DLG2: variants seen among roughly 807,000 people sequenced by gnomAD.
DLG2 encodes discs large MAGUK scaffold protein 2, also known as disks large homolog 2.
Under a neutral mutation model 132.5 loss-of-function variants are expected in DLG2, and 45 were observed. The ratio of observed to expected loss-of-function variants is 0.34; its 90% CI spans 0.27 to 0.44. DLG2 has a LOEUF of 0.44. Among genes scored for constraint, DLG2 ranks in the 20% least tolerant of loss-of-function variants. The pLI is 1.00. For synonymous variants in DLG2, 424 were observed against 419.6 expected, an observed-to-expected ratio of 1.01 and a Z score of -0.13; for missense variants, 1,045 against 1,196.9, an observed-to-expected ratio of 0.87 and a Z score of 1.87.
At chr11:83,522,920 AT>A (rs1050581162) in intron 21 of DLG2, among the ~76,000 whole-genome samples, 1 of 151,296 alleles carries the variant, frequency 6.6e-6, no homozygotes, top group South Asian at 2.1e-4. Flanking sequence ...ACGTGCTATT[AT>A]TTTTTAAAAA....
chr11:84,827,692 A>AAAAAAAAAAAAAAAC (rs2078509163), intron 6 of DLG2, among the ~76,000 whole-genome samples: 2 of 149,760 alleles, frequency 1.3e-5, no homozygotes, highest in African/African-American at 2.4e-5. Context: ...AAAAAAAAAA[A>AAAAAAAAAAAAAAAC]AAAAAAGCCC....
At chr11:84,834,640 A>G (rs1464819348) in intron 6 of DLG2, among the ~76,000 whole-genome samples, 1 of 151,574 alleles carries the variant, frequency 6.6e-6, no homozygotes, top group Admixed American at 6.6e-5. Context: ...GGGGGTTAGG[A>G]CTGAATATGG....
intron 3 of DLG2, among the ~76,000 whole-genome samples, chr11:85,361,476 G>A (rs887562402): frequency 1.4e-4 from 21 of 152,218 alleles, no homozygotes; most frequent in Middle Eastern, 3.4e-3. Context: ...ACCTTTTGGA[G>A]TCTCCAATGG....
intron 7 of DLG2, among the ~76,000 whole-genome samples, chr11:84,427,519 G>A (rs2098970808): frequency 6.6e-6 from 1 of 151,996 alleles, no homozygotes; most frequent in South Asian, 2.1e-4. Flanking sequence ...AAGGACAGAA[G>A]TCAACGAAGA....
At chr11:84,590,560 A>G (rs374470701) in intron 6 of DLG2, among the ~76,000 whole-genome samples, 1 of 152,188 alleles carries the variant, frequency 6.6e-6, no homozygotes, top group African/African-American at 2.4e-5. Flanking sequence ...TTTACTTTCT[A>G]TCTTCTAGGG....
chr11:85,627,583 T>C (rs531270615), upstream of DLG2: 4 of 152,294 alleles, frequency 2.6e-5, no homozygotes, highest in African/African-American at 9.6e-5. Context: ...GTATTAGACA[T>C]GTAAGCATAA....
chr11:85,217,318 T>TCTCA (rs370686252), intron 4 of DLG2, among the ~76,000 whole-genome samples: 43 of 144,036 alleles, frequency 3.0e-4, no homozygotes, highest in South Asian at 7.0e-4. Context: ...TCTCTCTCTC[T>TCTCA]CACACACACA....
chr11:83,818,555 A>G (rs2049779079), intron 17 of DLG2, among the ~76,000 whole-genome samples: 1 of 152,188 alleles, frequency 6.6e-6, no homozygotes, highest in Admixed American at 6.5e-5. Flanking sequence ...TCCACATAGC[A>G]AGGTGACATA....
At chr11:84,481,401 C>G (rs1257939599) in intron 7 of DLG2, among the ~76,000 whole-genome samples, 9 of 152,150 alleles carry the variant, frequency 5.9e-5, no homozygotes, top group Non-Finnish European at 1.3e-4. Flanking sequence ...CAGAGGCCAT[C>G]TGAGGTAAAT....
chr11:84,973,721 G>C (rs1219321665), intron 6 of DLG2, among the ~76,000 whole-genome samples: 2 of 152,078 alleles, frequency 1.3e-5, no homozygotes, highest in African/African-American at 4.8e-5. Context: ...AAATATTCTA[G>C]GCTTTGCAAG....
chr11:83,628,867 T>C (rs2063078444), intron 19 of DLG2, among the ~76,000 whole-genome samples: 1 of 152,188 alleles, frequency 6.6e-6, no homozygotes, highest in African/African-American at 2.4e-5. Flanking sequence ...ATCAAGTTAA[T>C]GAGCTATGAT....
intron 6 of DLG2, among the ~76,000 whole-genome samples, chr11:84,779,191 T>C (rs1026323477): frequency 2.2e-4 from 30 of 136,956 alleles, no homozygotes; most frequent in African/African-American, 7.6e-4. Context: ...TATATATATG[T>C]GCGCACACAC....
chr11:84,281,061 TAAAGG>T (rs1049263823), intron 7 of DLG2, among the ~76,000 whole-genome samples: 18 of 152,090 alleles, frequency 1.2e-4, no homozygotes, highest in African/African-American at 4.3e-4. Context: ...GGCAACTTAA[TAAAGG>T]AAAGATAATA....
intron 11 of DLG2, among the ~76,000 whole-genome samples, chr11:84,047,695 C>G (rs2154115649): frequency 6.6e-6 from 1 of 151,604 alleles, no homozygotes; most frequent in South Asian, 2.1e-4. Flanking sequence ...GTTCAAGGAG[C>G]CATTGATCAT....
At chr11:84,748,226 C>G (rs2065640037) in intron 6 of DLG2, among the ~76,000 whole-genome samples, 1 of 152,176 alleles carries the variant, frequency 6.6e-6, no homozygotes, top group Non-Finnish European at 1.5e-5. Flanking sequence ...ACTAGATTCT[C>G]TACAAAAATC....
In DLG2 at chr11:84,156,740, T is replaced by C. The variant is rs535806042; in HGVS notation, c.624+6721A>G. Among the ~76,000 whole-genome samples, 11 of 152,354 alleles carry C rather than the reference T, an allele frequency of 7.2e-5. No individual in the cohort carries two copies. The South Asian group carries it at 1.2e-3, about 17-fold the overall frequency. ...GAAAAATGACTGATTTATTGCATCA[T>C]GCAAATTCCTACAGAAGAAACAAGT... On this transcript the variant is annotated intron_variant, in intron 9 of 27. Transcript: ENST00000376104.
rs191496600 is a variant in DLG2, at chr11:85,426,295, G to A, written c.41-140930C>T. ...AAGAGAGTAGTGGTTCTCCCAGCAC[G>A]CAGTTGGACATCTGAGAACGGACAG... On this transcript the variant is annotated intron_variant, in intron 3 of 27. Transcript: ENST00000376104. Among the ~76,000 whole-genome samples, 322 of 152,260 alleles carry A rather than the reference G, an allele frequency of 2.1e-3. 1 individual carries two copies. The highest frequency in any genetic ancestry group is 3.1e-3 in the Non-Finnish European group (209 of 68,024).
intron 5 of DLG2, among the ~76,000 whole-genome samples, chr11:85,112,063 T>A (rs1249416387): frequency 1.3e-5 from 2 of 152,106 alleles, no homozygotes; most frequent in African/African-American, 4.8e-5. Context: ...AGGCTCCTAA[T>A]CAACCCTGAA....
intron 17 of DLG2, among the ~76,000 whole-genome samples, chr11:83,829,682 C>T (rs1317124208): frequency 6.6e-6 from 1 of 152,144 alleles, no homozygotes; most frequent in Non-Finnish European, 1.5e-5. Flanking sequence ...TCTTTTCTCT[C>T]AATGTTAAGC....
Sources: allele counts gnomAD v4.1 joint callset (sites outside exome capture counted in the v4.1 genomes callset), GRCh38; gene constraint gnomAD v4.1.1; transcripts MANE v1.5; gene names NCBI Gene and HGNC (gene_info 2026-07-23, HGNC 2026-07-21).